Variants in LEPR observed in about 807,000 individuals in gnomAD.
LEPR encodes OB receptor.
Under a neutral mutation model 114.7 loss-of-function variants are expected in LEPR, and 56 were observed. That is an observed-to-expected ratio of 0.49 (90% CI 0.39 to 0.61). The LOEUF is 0.61. Ranked by LOEUF, LEPR falls within the 20% of genes least tolerant of loss-of-function variation. The probability of loss-of-function intolerance (pLI) is 0.00; values close to 1 mark genes in which losing one functional copy is unlikely to be tolerated. For missense variants in LEPR, 1,202 were observed against 1,352.9 expected, an observed-to-expected ratio of 0.89 and a Z score of 1.75; for synonymous variants, 443 against 461.4, an observed-to-expected ratio of 0.96 and a Z score of 0.51.
intron 2 of LEPR, among the ~76,000 whole-genome samples, chr1:65,512,092 G>A (rs79144176): frequency 2.0e-5 from 3 of 152,058 alleles, no homozygotes; most frequent in Non-Finnish European, 2.9e-5. Context: ...GGTGAAGGGG[G>A]AGATGCTACA....
chr1:65,449,278 T>C (rs1476531880), intron 2 of LEPR, among the ~76,000 whole-genome samples: 1 of 146,076 alleles, frequency 6.8e-6, no homozygotes, highest in Non-Finnish European at 1.5e-5. Flanking sequence ...TTTTTTTTTT[T>C]GCTGAGGTTT....
At chr1:65,453,605 A>C (rs1646820623) in intron 2 of LEPR, among the ~76,000 whole-genome samples, 1 of 152,150 alleles carries the variant, frequency 6.6e-6, no homozygotes, top group Non-Finnish European at 1.5e-5. Flanking sequence ...TGAGATTCTT[A>C]ATCCTGCGTT....
intron 7 of LEPR, among the ~76,000 whole-genome samples, chr1:65,597,827 A>G (rs1282295333): frequency 1.3e-5 from 2 of 152,186 alleles, no homozygotes; most frequent in African/African-American, 2.4e-5. Flanking sequence ...TCAGTGTCAC[A>G]TATGGAGAAA....
chr1:65,569,813 A>C (rs778562213), intron 3 of LEPR, among the ~76,000 whole-genome samples: 2 of 151,660 alleles, frequency 1.3e-5, no homozygotes, highest in African/African-American at 2.4e-5. Context: ...AACAGTGATA[A>C]TTTAATCAGC....
At chr1:65,480,243 C>T (rs1339293949) in intron 2 of LEPR, among the ~76,000 whole-genome samples, 1 of 152,012 alleles carries the variant, frequency 6.6e-6, no homozygotes, top group Admixed American at 6.5e-5. Context: ...AAAAAAGATA[C>T]TGTGCAACAA....
chr1:65,605,234 G>T lies in LEPR; in HGVS notation c.1600G>T (p.Val534Leu). The stretch of plus-strand genomic sequence containing the variant: ...ACCAACATGTGTCCTTCCTGATTCT[G>T]TGGGTATGTCAAGCTGCGTTGTGTC... ...SPPTCVLPDSVVKPLPPSSVK... is the reference protein window; with the variant it reads ...SPPTCVLPDSLVKPLPPSSVK... The change falls in exon 11 of 20, where the codon GTG becomes TTG. Residue 534 changes from valine to leucine, a missense_variant. Val to Leu is a conservative substitution (Grantham distance 32). Coordinates refer to ENST00000349533, the MANE Select transcript of LEPR (RefSeq NM_002303.6). The T allele has an allele frequency of 1.9e-6, 3 of 1,614,022 alleles. No individual in the cohort carries two copies. In the South Asian group the frequency reaches 3.3e-5, roughly 18 times the overall value.
chr1:65,537,672 C>T (rs1650874648), intron 2 of LEPR, among the ~76,000 whole-genome samples: 1 of 152,154 alleles, frequency 6.6e-6, no homozygotes, highest in Non-Finnish European at 1.5e-5. Context: ...GGATATTTCA[C>T]CCTTTCTCCT....
chr1:65,524,617 C>A (rs896264380), intron 2 of LEPR, among the ~76,000 whole-genome samples: 1 of 152,204 alleles, frequency 6.6e-6, no homozygotes, highest in Non-Finnish European at 1.5e-5. Flanking sequence ...ACTCACTTTC[C>A]CTGTGTGCCT....
intron 2 of LEPR, among the ~76,000 whole-genome samples, chr1:65,554,610 A>G (rs527311553): frequency 6.6e-6 from 1 of 152,172 alleles, no homozygotes; most frequent in Non-Finnish European, 1.5e-5. Context: ...GCTGGCAGGG[A>G]GAATTTCAAG....
At chr1:65,463,074 C>CCT (rs1018790758) in intron 2 of LEPR, among the ~76,000 whole-genome samples, 5 of 152,148 alleles carry the variant, frequency 3.3e-5, no homozygotes, top group Admixed American at 3.3e-4. Flanking sequence ...TTTGCCCATG[C>CCT]CTATGTCCTG....
intron 2 of LEPR, among the ~76,000 whole-genome samples, chr1:65,467,455 C>T (rs1008538724): frequency 1.6e-4 from 25 of 152,290 alleles, no homozygotes; most frequent in African/African-American, 5.5e-4. Context: ...TTGGCCCCTA[C>T]TGGAAGGTGT....
intron 2 of LEPR, chr1:65,435,599 C>G: frequency 1.5e-6 from 1 of 665,106 alleles, no homozygotes; most frequent in Non-Finnish European, 1.9e-6. Flanking sequence ...GATCTCCTGA[C>G]CTCATGATCC....
intron 5 of LEPR, among the ~76,000 whole-genome samples, chr1:65,574,782 G>T (rs1202971084): frequency 6.6e-6 from 1 of 152,134 alleles, no homozygotes; most frequent in Non-Finnish European, 1.5e-5. Context: ...AAATAATATT[G>T]TCTGAAGGTG....
intron 10 of LEPR, among the ~76,000 whole-genome samples, chr1:65,602,910 T>G (rs57745998): frequency 0.016 from 2,456 of 152,262 alleles, 71 homozygotes; most frequent in African/African-American, 0.055. Context: ...TTGTTCATGA[T>G]ATGAAATTTT....
intron 2 of LEPR, among the ~76,000 whole-genome samples, chr1:65,546,032 C>G (rs1049741820): frequency 6.6e-6 from 1 of 151,026 alleles, no homozygotes; most frequent in Non-Finnish European, 1.5e-5. Context: ...ATATGGCTAG[C>G]CAGTTTTCCC....
At chr1:65,613,494 C>T (rs2100981071) in intron 14 of LEPR, among the ~76,000 whole-genome samples, 1 of 97,382 alleles carries the variant, frequency 1.0e-5, no homozygotes, top group South Asian at 2.7e-4. Context: ...TGGCTCACGC[C>T]TGTAATCCCA....
In LEPR at chr1:65,516,168, C is replaced by T. The variant is rs139712269; in HGVS notation, c.-20-49378C>T. On this transcript the variant is annotated intron_variant, in intron 2 of 19. Transcript: ENST00000349533. ...TAGAATTTTCCTTGATTACAGGTGG[C>T]TCACACCTGTAATCTCAGCACTTTG... Among the ~76,000 whole-genome samples the T allele has an allele frequency of 1.9e-3, 284 of 152,276 alleles. 2 individuals carry two copies. Among genetic ancestry groups the T allele is most frequent in the Middle Eastern group, 6.8e-3 (2 of 294 alleles).
intron 2 of LEPR, among the ~76,000 whole-genome samples, chr1:65,457,723 C>A (rs1160914700): frequency 1.3e-5 from 2 of 152,162 alleles, no homozygotes; most frequent in Non-Finnish European, 2.9e-5. Flanking sequence ...CTCCATGTGT[C>A]CACCTTTTTT....
intron 2 of LEPR, chr1:65,435,798 T>C (rs908213668): frequency 1.0e-6 from 1 of 980,088 alleles, no homozygotes; most frequent in Non-Finnish European, 1.2e-6. Context: ...CTGTAGTAGA[T>C]AAATATTAGT....
Sources: gnomAD v4.1 joint callset for allele counts (sites outside exome capture counted in the v4.1 genomes callset) on GRCh38, gnomAD v4.1.1 for gene constraint, MANE v1.5 for transcripts, NCBI Gene and HGNC (gene_info 2026-07-23, HGNC 2026-07-21) for gene names.